The following RAD54L2 variants were observed in gnomAD, a reference collection of about 807,000 sequenced individuals.
RAD54L2 encodes RAD54 like 2, also known as helicase ARIP4.
In RAD54L2, 27 loss-of-function variants were observed where a neutral mutation model predicts 138.4. That is an observed-to-expected ratio of 0.20 (90% CI 0.14 to 0.27). The LOEUF (loss-of-function observed/expected upper bound fraction) is 0.27. Ranked by LOEUF, RAD54L2 falls within the 10% of genes least tolerant of loss-of-function variation. RAD54L2 has a pLI of 1.00. For synonymous variants in RAD54L2, 644 were observed against 723.2 expected, an observed-to-expected ratio of 0.89 and a Z score of 1.76; for missense variants, 1,396 against 1,890.2, an observed-to-expected ratio of 0.74 and a Z score of 4.85.
intron 2 of RAD54L2, among the ~76,000 whole-genome samples, chr3:51,547,587 T>G (rs1698728624): frequency 6.6e-6 from 1 of 151,552 alleles, no homozygotes; most frequent in Non-Finnish European, 1.5e-5. Context: ...TTTTTTTTTT[T>G]TTTTTTACAT....
chr3:51,652,216 C>T (rs1043938227), intron 19 of RAD54L2, among the ~76,000 whole-genome samples: 2 of 152,082 alleles, frequency 1.3e-5, no homozygotes, highest in African/African-American at 4.8e-5. Context: ...CCTAGGAATC[C>T]AACTTACAAG....
At chr3:51,655,862 C>T in intron 19 of RAD54L2, 109 bp from the exon 20 acceptor site, 1 of 914,522 alleles carries the variant, frequency 1.1e-6, no homozygotes, top group Non-Finnish European at 1.7e-6. Context: ...CTTCTCTGAG[C>T]ATCAACTGAT....
intron 4 of RAD54L2, among the ~76,000 whole-genome samples, chr3:51,628,511 T>C (rs1389102600): frequency 6.6e-6 from 1 of 152,002 alleles, no homozygotes; most frequent in Non-Finnish European, 1.5e-5. Flanking sequence ...TGCTTCAACC[T>C]CCTGAGTAGC....
chr3:51,625,399 C>G (rs1187218850), intron 3 of RAD54L2, among the ~76,000 whole-genome samples: 1 of 152,136 alleles, frequency 6.6e-6, no homozygotes, highest in Non-Finnish European at 1.5e-5. Context: ...GCCTGGGCAA[C>G]AAGAGTGAAA....
rs1168777431 is a variant in RAD54L2, at chr3:51,645,654, T to G, written c.2720T>G (p.Leu907Arg). The change falls in exon 18 of 23, where the codon CTG becomes CGG. Residue 907 changes from leucine to arginine, a missense_variant. By Grantham distance (102) the Leu-to-Arg change is moderately radical. This residue lies in a region of RAD54L2 where 78 missense variants were observed against 171.6 expected (regional missense o/e 0.45). Coordinates refer to ENST00000684192, the MANE Select transcript of RAD54L2 (RefSeq NM_015106.4). The surrounding 1 kb of genome is among the most constrained non-coding windows in gnomAD (Gnocchi z 6.1). ...NFTRKEVENL[L>R]HFVEKEPAPQ... Reference sequence around the variant, plus strand: ...ACACGGAAAGAGGTGGAAAACCTACTGCACTTTGTTGAGAAGGAGCCAGCT... The same window carrying G: ...ACACGGAAAGAGGTGGAAAACCTACGGCACTTTGTTGAGAAGGAGCCAGCT... 6.2e-7 allele frequency: 1 copy of G among 1,612,328 alleles called. No homozygotes were observed. The highest frequency in any genetic ancestry group is 8.5e-7 in the Non-Finnish European group (1 of 1,179,280).
Position 51,645,774 on chromosome 3 carries a change from G to A in RAD54L2, c.2829+11G>A, listed in dbSNP as rs1701263328. On this transcript the variant is annotated intron_variant, in intron 18 of 22. Coordinates refer to ENST00000684192, the MANE Select transcript of RAD54L2 (RefSeq NM_015106.4). This position sits in a 1 kb window ranked among gnomAD's most constrained non-coding sequence, Gnocchi z 6.1. ...CACCTCATCACCAAGGTAAGAACTT[G>A]GTATGCATGCAATCCCCAGAGTGGC... 1 of 1,600,140 alleles carries A rather than the reference G, an allele frequency of 6.2e-7. No individual in the cohort carries two copies. The highest frequency in any genetic ancestry group is 1.3e-5 in the African/African-American group (1 of 74,366).
intron 2 of RAD54L2, among the ~76,000 whole-genome samples, chr3:51,586,148 G>A (rs887272697): frequency 6.6e-6 from 1 of 152,000 alleles, no homozygotes; most frequent in African/African-American, 2.4e-5. Context: ...GCCCCTTAGA[G>A]AAGAATACAG....
intron 20 of RAD54L2, 79 bp downstream of exon 20, chr3:51,656,249 C>T (rs1701597389): frequency 3.8e-6 from 5 of 1,305,454 alleles, no homozygotes; most frequent in Admixed American, 5.0e-5. Context: ...ATCTATTAAA[C>T]ACCTTTTGTA....
At chr3:51,568,087 T>C (rs1399506268) in intron 2 of RAD54L2, among the ~76,000 whole-genome samples, 1 of 152,178 alleles carries the variant, frequency 6.6e-6, no homozygotes, top group Non-Finnish European at 1.5e-5. Flanking sequence ...CATGAGATTC[T>C]AGAAATGGAA....
At chr3:51,633,468 T>C (rs576049172) in intron 7 of RAD54L2, 109 bp from the exon 8 acceptor site, 1 of 1,076,308 alleles carries the variant, frequency 9.3e-7, no homozygotes, top group African/African-American at 1.6e-5. Flanking sequence ...ACCTGCTATC[T>C]ATTATAACGC....
intron 3 of RAD54L2, among the ~76,000 whole-genome samples, chr3:51,604,073 A>G (rs937687748): frequency 1.3e-5 from 2 of 152,178 alleles, no homozygotes; most frequent in African/African-American, 4.8e-5. Flanking sequence ...AAGTAGTTGG[A>G]TTCAGGATAT....
chr3:51,620,407 CTTTTTTTTT>C (rs60585256), intron 3 of RAD54L2, among the ~76,000 whole-genome samples: 2 of 82,556 alleles, frequency 2.4e-5, no homozygotes, highest in Non-Finnish European at 2.4e-5. Flanking sequence ...TCCTACTGGT[CTTTTTTTTT>C]TTTTTTTTTT....
intron 3 of RAD54L2, among the ~76,000 whole-genome samples, chr3:51,604,556 T>C (rs540309678): frequency 1.3e-5 from 2 of 152,298 alleles, no homozygotes; most frequent in Admixed American, 1.3e-4. Context: ...AATCTTATCT[T>C]TACTCCTTAG....
chr3:51,657,434 A>T (rs1701630978), intron 20 of RAD54L2, 146 bp from the exon 21 acceptor site: 1 of 454,874 alleles, frequency 2.2e-6, no homozygotes, highest in Non-Finnish European at 4.1e-6. Context: ...TGCTTGCTTC[A>T]CCTTCCTTGG....
intron 3 of RAD54L2, among the ~76,000 whole-genome samples, chr3:51,607,150 C>T (rs1358554132): frequency 1.4e-5 from 2 of 139,828 alleles, no homozygotes; most frequent in East Asian, 2.1e-4. Flanking sequence ...GGGTGTTTCT[C>T]GGAGAGGGGG....
intron 2 of RAD54L2, among the ~76,000 whole-genome samples, chr3:51,573,195 T>C (rs1384634409): frequency 1.3e-5 from 2 of 152,012 alleles, no homozygotes; most frequent in African/African-American, 4.8e-5. Context: ...GCTTGTGGGG[T>C]GCCGTTTATT....
At chr3:51,562,142 T>G (rs1208879965) in intron 2 of RAD54L2, among the ~76,000 whole-genome samples, 1 of 151,418 alleles carries the variant, frequency 6.6e-6, no homozygotes, top group Non-Finnish European at 1.5e-5. Flanking sequence ...TTCAAGCGAT[T>G]ATCGTGCCTC....
rs1315791009 is a variant in RAD54L2 at position 51,599,653 on chromosome 3, A to G, written c.139+9094A>G. Among the ~76,000 whole-genome samples, 5 of 150,994 alleles carry G rather than the reference A, an allele frequency of 3.3e-5. 1 individual carries two copies. The highest frequency in any genetic ancestry group is 5.9e-5 in the Non-Finnish European group (4 of 67,830). ...CTACAGCCTCTGTCTCCCAGGTTCA[A>G]GCAATTCTCCTGCCTCAGCCTCCTG... On this transcript the variant is annotated intron_variant, in intron 3 of 22. Coordinates refer to ENST00000684192, the MANE Select transcript of RAD54L2 (RefSeq NM_015106.4).
rs1348634626 is a variant in RAD54L2, at chr3:51,663,147, G to A, written c.4131G>A (p.Gly1377=). 1 of 1,613,912 alleles carries A rather than the reference G, an allele frequency of 6.2e-7. No individual in the cohort carries two copies. Among genetic ancestry groups the A allele is most frequent in the Non-Finnish European group, 8.5e-7 (1 of 1,179,862 alleles). The change falls in exon 23 of 23, where the codon GGG becomes GGA. Residue 1377 remains glycine (G), a synonymous_variant. Transcript: ENST00000684192. ...TCATGCTCAACCCTTCTGTGCCAGGGATACTACCCAGCTATTCACTCCCAT... is the reference window on the plus strand; with the variant it reads ...TCATGCTCAACCCTTCTGTGCCAGGAATACTACCCAGCTATTCACTCCCAT... The part of the protein sequence containing the change: ...PSFMLNPSVP[G]ILPSYSLPFS...
Sources: allele counts gnomAD v4.1 joint callset (sites outside exome capture counted in the v4.1 genomes callset), GRCh38; gene constraint gnomAD v4.1.1; regional missense constraint gnomAD v4.1.1; non-coding constraint Gnocchi (gnomAD v3.1); transcripts MANE v1.5; gene names NCBI Gene and HGNC (gene_info 2026-07-23, HGNC 2026-07-21).